Variants in CEP162 observed in about 807,000 individuals in gnomAD.
The protein encoded by CEP162 is centrosomal protein of 162 kDa.
CEP162 carries 141 observed loss-of-function variants against 169.2 expected under a neutral mutation model. That is an observed-to-expected ratio of 0.83 (90% CI 0.73 to 0.96). The LOEUF (loss-of-function observed/expected upper bound fraction) is 0.96. Ranked by LOEUF, CEP162 falls within the 40% of genes least tolerant of loss-of-function variation. CEP162 has a pLI of 0.00. For missense variants in CEP162, 1,600 were observed against 1,587.2 expected (o/e 1.01, Z -0.14); for synonymous variants, 540 against 526.4 (o/e 1.03, Z -0.35).
intron 8 of CEP162, 138 bp downstream of exon 8, chr6:84,201,599 T>G: frequency 1.7e-6 from 1 of 574,842 alleles, no homozygotes; most frequent in East Asian, 3.3e-5. Context: ...AACACATTAT[T>G]GAGAAAAGCT....
At chr6:84,197,871 T>C (rs951112838) in intron 9 of CEP162, among the ~76,000 whole-genome samples, 3 of 149,998 alleles carry the variant, frequency 2.0e-5, no homozygotes, top group Admixed American at 6.6e-5. Flanking sequence ...TGCTAAATAC[T>C]GTTTTGCAGA....
At position 84,213,019 on chromosome 6, in the gene CEP162, T is replaced by G; in HGVS notation, c.509A>C (p.Gln170Pro). ...STHFKALHSN[Q>P]ANAELTDDEH... ...GTCATCAGTTAGTTCTGCGTTGGCTTGATTACTGGAAAAAATATTTATTTA... is the reference window on the plus strand; with the variant it reads ...GTCATCAGTTAGTTCTGCGTTGGCTGGATTACTGGAAAAAATATTTATTTA... The change falls in exon 6 of 27, where the codon CAA becomes CCA. Residue 170 changes from glutamine (Q) to proline (P), a missense_variant. By Grantham distance (76) the Gln-to-Pro change is moderately conservative. Transcript: ENST00000403245. The G allele has an allele frequency of 1.3e-6, 2 of 1,533,746 alleles. No individual in the cohort carries two copies. Among genetic ancestry groups the G allele is most frequent in the Middle Eastern group, 3.4e-4 (2 of 5,904 alleles).
At chr6:84,161,589 T>C (rs2099525799) in intron 20 of CEP162, among the ~76,000 whole-genome samples, 157 bp downstream of exon 20, 1 of 152,166 alleles carries the variant, frequency 6.6e-6, no homozygotes, top group Admixed American at 6.6e-5. Context: ...TCAGTCTAAT[T>C]TAAAATAGAC....
chr6:84,152,519 T>C, intron 23 of CEP162, 26 bp downstream of exon 23: 1 of 1,202,172 alleles, frequency 8.3e-7, no homozygotes, highest in Non-Finnish European at 1.1e-6. Flanking sequence ...TTTTTACAAA[T>C]ATTTATAAAT....
intron 25 of CEP162, among the ~76,000 whole-genome samples, chr6:84,127,489 CTCAGG>C (rs2099509424): frequency 6.6e-6 from 1 of 152,004 alleles, no homozygotes; most frequent in African/African-American, 2.4e-5. Flanking sequence ...TTGCAGAGAG[CTCAGG>C]GAGAGGCCTC....
chr6:84,204,021 T>C lies in CEP162; in HGVS notation c.647A>G (p.Lys216Arg). ...LTTKDEEMPS[K>R]ENSKSEKISV... ...TATTTTTTCTGATTTGGAATTCTCT[T>C]TGGAAGGCATCTCTTCATCTTTAGT... is the stretch of plus-strand genomic sequence containing the variant. Residue 216 changes from lysine to arginine, a missense_variant, in exon 7 of 27, where the codon AAA becomes AGA. By Grantham distance (26) the Lys-to-Arg change is conservative. Transcript: ENST00000403245. 6.2e-7 allele frequency: 1 copy of C among 1,610,638 alleles called. No individual in the cohort carries two copies. The highest frequency in any genetic ancestry group is 8.5e-7 in the Non-Finnish European group (1 of 1,178,356).
At chr6:84,147,639 A>G (rs1038213794) in intron 24 of CEP162, among the ~76,000 whole-genome samples, 14 of 152,104 alleles carry the variant, frequency 9.2e-5, no homozygotes, top group Non-Finnish European at 2.1e-4. Flanking sequence ...AAAGGGGGGG[A>G]AAATAAATAT....
intron 18 of CEP162, among the ~76,000 whole-genome samples, chr6:84,164,883 A>C (rs947790676): frequency 2.0e-5 from 3 of 152,094 alleles, no homozygotes; most frequent in Non-Finnish European, 2.9e-5. Context: ...AAACAAACAA[A>C]AAAAAAGAAA....
intron 24 of CEP162, 51 bp from the exon 25 acceptor site, chr6:84,146,836 A>G: frequency 1.1e-6 from 1 of 928,730 alleles, no homozygotes; most frequent in South Asian, 1.7e-5. Flanking sequence ...CTTGAACACT[A>G]TCTGAAAAAT....
intron 5 of CEP162, among the ~76,000 whole-genome samples, chr6:84,213,939 A>T (rs972866033): frequency 2.6e-5 from 4 of 152,174 alleles, no homozygotes; most frequent in Non-Finnish European, 5.9e-5. Flanking sequence ...TTTGGGTAAC[A>T]TTTCCGACCA....
At chr6:84,179,124 T>C (rs1025419178) in intron 13 of CEP162, among the ~76,000 whole-genome samples, 2 of 152,212 alleles carry the variant, frequency 1.3e-5, no homozygotes, top group Non-Finnish European at 2.9e-5. Context: ...TAAACATACA[T>C]GTGCATCTGT....
chr6:84,146,919 G>A, intron 24 of CEP162, 134 bp from the exon 25 acceptor site: 1 of 421,698 alleles, frequency 2.4e-6, no homozygotes, highest in Non-Finnish European at 4.2e-6. Context: ...CAGCTACTAT[G>A]GAAAAAAATT....
chr6:84,218,803 T>C (rs1403959191), intron 3 of CEP162, among the ~76,000 whole-genome samples: 1 of 152,134 alleles, frequency 6.6e-6, no homozygotes, highest in East Asian at 1.9e-4. Flanking sequence ...AAGAGAGAGA[T>C]TCATAGATGC....
intron 7 of CEP162, among the ~76,000 whole-genome samples, chr6:84,203,234 T>C (rs1048905682): frequency 2.0e-5 from 3 of 152,182 alleles, no homozygotes; most frequent in African/African-American, 7.2e-5. Context: ...AATGGAATCA[T>C]GTAGTTCCTT....
At chr6:84,137,919 C>G (rs2099514853) in intron 25 of CEP162, among the ~76,000 whole-genome samples, 1 of 152,090 alleles carries the variant, frequency 6.6e-6, no homozygotes, top group South Asian at 2.1e-4. Flanking sequence ...TTGCAGCAGA[C>G]ATAATTTTAA....
intron 8 of CEP162, 84 bp downstream of exon 8, chr6:84,201,653 A>G (rs2099544562): frequency 3.0e-6 from 2 of 674,646 alleles, no homozygotes; most frequent in Non-Finnish European, 5.1e-6. Context: ...AAACACAGAT[A>G]GTGACTCATT....
At chr6:84,209,438 G>A (rs1010228075) in intron 6 of CEP162, among the ~76,000 whole-genome samples, 2 of 150,822 alleles carry the variant, frequency 1.3e-5, no homozygotes, top group Admixed American at 6.6e-5. Flanking sequence ...GCGATGGCAC[G>A]ATCTCGGCTC....
chr6:84,155,957 A>G (rs1215702124), intron 21 of CEP162, among the ~76,000 whole-genome samples: 1 of 152,220 alleles, frequency 6.6e-6, no homozygotes, highest in East Asian at 1.9e-4. Flanking sequence ...AGCTGGAGGT[A>G]TCACACTACC....
chr6:84,154,315 T>G (rs1265611800), intron 22 of CEP162, among the ~76,000 whole-genome samples: 4 of 136,998 alleles, frequency 2.9e-5, no homozygotes, highest in Admixed American at 1.4e-4. Context: ...ATCAGGGATA[T>G]CTATCTATCT....
Sources: allele counts gnomAD v4.1 joint callset (sites outside exome capture counted in the v4.1 genomes callset), GRCh38; gene constraint gnomAD v4.1.1; transcripts MANE v1.5; gene names NCBI Gene and HGNC (gene_info 2026-07-23, HGNC 2026-07-21).